CBFA2T3: variants seen among roughly 807,000 people sequenced by gnomAD.
CBFA2T3 encodes CBFA2/RUNX1 partner transcriptional co-repressor 3.
In CBFA2T3, 31 loss-of-function variants were observed where a neutral mutation model predicts 58.6. That is an observed-to-expected ratio of 0.53 (90% CI 0.40 to 0.71). CBFA2T3 has a LOEUF of 0.71. Among genes scored for constraint, CBFA2T3 ranks in the 30% least tolerant of loss-of-function variants. The pLI, the probability that CBFA2T3 is intolerant of heterozygous loss-of-function variation, is 0.00. For synonymous variants in CBFA2T3, 531 were observed against 421.9 expected (o/e 1.26, Z -3.17); for missense variants, 1,076 against 963.1 (o/e 1.12, Z -1.55).
rs1005793652 is a variant in CBFA2T3, at chr16:88,977,189, C to G, written c.-382G>C. ...TGGGGCCCTGCCCTGCGCGGCCTTC[C>G]CTCGGGCCATTCCGGTTTGACCTTC... is the stretch of plus-strand genomic sequence containing the variant. On this transcript the variant is annotated 5_prime_UTR_variant, in exon 1 of 12. Transcript: ENST00000268679. The G allele has an allele frequency of 7.4e-6, 2 of 269,188 alleles. No homozygotes were observed. Among genetic ancestry groups the G allele is most frequent in the Admixed American group, 4.7e-5 (1 of 21,238 alleles). The allele number at this position is 269,188 out of a possible 1,614,324, so 16.7% of individuals were successfully genotyped here. A position where few individuals can be genotyped will look rare whatever the true frequency, so the allele number is the denominator to read the frequency against.
At chr16:88,915,875 T>C (rs1597722456) in intron 1 of CBFA2T3, among the ~76,000 whole-genome samples, 1 of 152,118 alleles carries the variant, frequency 6.6e-6, no homozygotes. Flanking sequence ...GGCCACTCCC[T>C]GCCACCTTCC....
At chr16:88,922,729 G>A (rs1364348149) in intron 1 of CBFA2T3, among the ~76,000 whole-genome samples, 3 of 152,208 alleles carry the variant, frequency 2.0e-5, no homozygotes, top group Non-Finnish European at 2.9e-5. Context: ...GGTGGTGGAC[G>A]GCCCCTTCCT....
rs138501086 is a variant in CBFA2T3, at chr16:88,879,282, C to T, written c.1650G>A (p.Glu550=). ...EDALTVINQQ[E]DSSESCWNCG... ...CGGGTGGCCCTACCTCGCTGGAGTCCTCCTGCTGGTTGATGACCGTCAGGG... is the reference window on the plus strand; with the variant it reads ...CGGGTGGCCCTACCTCGCTGGAGTCTTCCTGCTGGTTGATGACCGTCAGGG... Residue 550 remains glutamate, a synonymous_variant, in exon 11 of 12, where the codon GAG becomes GAA. Transcript: ENST00000268679. The T allele has an allele frequency of 1.1e-4, 180 of 1,598,398 alleles. No homozygotes were observed. The highest frequency in any genetic ancestry group is 1.4e-4 in the Non-Finnish European group (163 of 1,171,624).
At chr16:88,905,185 C>T (rs145005331) in intron 1 of CBFA2T3, among the ~76,000 whole-genome samples, 16 of 152,152 alleles carry the variant, frequency 1.1e-4, no homozygotes, top group African/African-American at 2.2e-4. Context: ...CAGCAGCTGG[C>T]GCCGTCTCTG....
At chr16:88,972,245 C>G (rs1323040695) in intron 1 of CBFA2T3, among the ~76,000 whole-genome samples, 1 of 152,080 alleles carries the variant, frequency 6.6e-6, no homozygotes, top group Non-Finnish European at 1.5e-5. Context: ...ACTTATGGGA[C>G]CTGGAAAGCT....
intron 1 of CBFA2T3, among the ~76,000 whole-genome samples, chr16:88,928,608 G>T (rs1340920062): frequency 1.3e-5 from 2 of 152,276 alleles, no homozygotes; most frequent in African/African-American, 2.4e-5. Flanking sequence ...TCACCCGCCA[G>T]GTGGGGTATG....
At chr16:88,900,196 G>A (rs944195238) in intron 2 of CBFA2T3, among the ~76,000 whole-genome samples, 1 of 152,256 alleles carries the variant, frequency 6.6e-6, no homozygotes, top group Non-Finnish European at 1.5e-5. Flanking sequence ...TAGGCTGTTT[G>A]GCTCCTACTG....
rs143956988 is a variant in CBFA2T3 at position 88,975,536 on chromosome 16, A to G, written c.151+1121T>C. ...AAGGCCACTCAGCGCCAGGGGATAGACAGGGCCGCTCCAGAGAGGACGGGA... is the reference window on the plus strand; with the variant it reads ...AAGGCCACTCAGCGCCAGGGGATAGGCAGGGCCGCTCCAGAGAGGACGGGA... On this transcript the variant is annotated intron_variant, in intron 1 of 11. Transcript: ENST00000268679. 1.6e-3 allele frequency among the ~76,000 whole-genome samples: 249 copies of G among 152,406 alleles called. 1 individual carries two copies. Among genetic ancestry groups the G allele is most frequent in the African/African-American group, 5.8e-3 (242 of 41,602 alleles).
rs8048270 is a variant in CBFA2T3 at position 88,942,413 on chromosome 16, T to G, written c.151+34244A>C. ...TGGTTTGCCTCTCATTTCGCATAAA[T>G]TTTGCATGTGAAGGTCCGAGGTCCC... On this transcript the variant is annotated intron_variant, in intron 1 of 11. Coordinates refer to ENST00000268679, the MANE Select transcript of CBFA2T3 (RefSeq NM_005187.6). Among the ~76,000 whole-genome samples the G allele has an allele frequency of 1.3e-3, 201 of 152,222 alleles. 3 individuals are homozygous for G. In the South Asian group the frequency reaches 0.019, roughly 15 times the overall value.
At chr16:88,963,186 G>T (rs955033533) in intron 1 of CBFA2T3, among the ~76,000 whole-genome samples, 4 of 151,542 alleles carry the variant, frequency 2.6e-5, no homozygotes, top group Admixed American at 1.3e-4. Flanking sequence ...TGGGGGCTTG[G>T]ACAGAGGCTG....
At chr16:88,927,539 G>A (rs1971122351) in intron 1 of CBFA2T3, among the ~76,000 whole-genome samples, 1 of 152,188 alleles carries the variant, frequency 6.6e-6, no homozygotes, top group Admixed American at 6.5e-5. Flanking sequence ...GGGCATCCAG[G>A]GAGACAGCGA....
rs764860734 is a variant in CBFA2T3 at position 88,875,510 on chromosome 16, GTTTT to G, written c.*1462_*1465del. 79 of 233,850 alleles carry G rather than the reference GTTTT, an allele frequency of 3.4e-4. 1 individual carries two copies. The East Asian group carries it at 4.2e-3, about 12-fold the overall frequency. The allele number at this position is 233,850 out of a possible 1,614,324, so 14.5% of individuals were successfully genotyped here. A position where few individuals can be genotyped will look rare whatever the true frequency, so the allele number is the denominator to read the frequency against. On this transcript the variant is annotated 3_prime_UTR_variant, in exon 12 of 12. Transcript: ENST00000268679. ...AGGCAGAGGGCTGCTTTTGTTTGTAGTTTTTTTGTTTTTTCTGCAAAAGTTTGGA... is the reference window on the plus strand; with the variant it reads ...AGGCAGAGGGCTGCTTTTGTTTGTAGTTTGTTTTTTCTGCAAAAGTTTGGA...
chr16:88,898,733 A>G (rs928999254), intron 2 of CBFA2T3, among the ~76,000 whole-genome samples: 6 of 152,192 alleles, frequency 3.9e-5, no homozygotes, highest in Admixed American at 3.9e-4. Context: ...AAACAGGAAG[A>G]AAGATTCGGC....
intron 1 of CBFA2T3, among the ~76,000 whole-genome samples, chr16:88,934,570 C>A (rs918668085): frequency 1.3e-5 from 2 of 152,222 alleles, no homozygotes; most frequent in Non-Finnish European, 2.9e-5. Flanking sequence ...CTGACCAACC[C>A]CCGCAAGGGA....
intron 2 of CBFA2T3, among the ~76,000 whole-genome samples, chr16:88,900,079 A>G (rs1042701080): frequency 1.3e-5 from 2 of 152,258 alleles, no homozygotes; most frequent in Admixed American, 1.3e-4. Flanking sequence ...CCGCAGAGCC[A>G]GGACCTGCAC....
chr16:88,923,494 G>C (rs1970987371), intron 1 of CBFA2T3, among the ~76,000 whole-genome samples: 1 of 152,240 alleles, frequency 6.6e-6, no homozygotes, highest in Admixed American at 6.5e-5. Flanking sequence ...CAGAAGGGCT[G>C]TTTGTTTGGG....
At chr16:88,967,166 C>T (rs1285725648) in intron 1 of CBFA2T3, among the ~76,000 whole-genome samples, 1 of 113,396 alleles carries the variant, frequency 8.8e-6, no homozygotes, top group Non-Finnish European at 2.0e-5. Flanking sequence ...CATGCCACCC[C>T]CCAGCCCCCG....
chr16:88,889,423 G>C (rs928722005), intron 5 of CBFA2T3, among the ~76,000 whole-genome samples: 35 of 150,488 alleles, frequency 2.3e-4, no homozygotes, highest in Non-Finnish European at 4.4e-4. Context: ...GAGGGAGCGA[G>C]GGTGGGAACA....
chr16:88,897,771 C>T (rs1206723868), intron 3 of CBFA2T3, among the ~76,000 whole-genome samples: 3 of 152,210 alleles, frequency 2.0e-5, no homozygotes, highest in Admixed American at 6.5e-5. Flanking sequence ...CCCCTCCCCT[C>T]GGCACTCGCA....
Sources: gnomAD v4.1 joint callset for allele counts (sites outside exome capture counted in the v4.1 genomes callset) on GRCh38, gnomAD v4.1.1 for gene constraint, MANE v1.5 for transcripts, NCBI Gene and HGNC (gene_info 2026-07-23, HGNC 2026-07-21) for gene names.